Variants in WWOX observed in about 807,000 individuals in gnomAD.
The protein encoded by WWOX is WW domain containing oxidoreductase, also known as WW domain-containing oxidoreductase.
WWOX carries 69 observed loss-of-function variants against 46.2 expected under a neutral mutation model. The observed-to-expected ratio is 1.49, with a 90% confidence interval of 1.23 to 1.82. The LOEUF (loss-of-function observed/expected upper bound fraction) is 1.82, where lower values mean the gene tolerates loss of function less well. Ranked by LOEUF, WWOX falls within the 40% of genes most tolerant of loss-of-function variation. WWOX has a pLI of 0.00. For missense variants in WWOX, 919 were observed against 542.6 expected, an observed-to-expected ratio of 1.69 and a Z score of -6.89; for synonymous variants, 359 against 202.6, an observed-to-expected ratio of 1.77 and a Z score of -6.56.
intron 4 of WWOX, among the ~76,000 whole-genome samples, chr16:78,139,864 A>G (rs944640591): frequency 1.3e-5 from 2 of 152,210 alleles, no homozygotes; most frequent in Admixed American, 6.5e-5. Flanking sequence ...ACTAGAGGCA[A>G]CTAGTGCTCA....
chr16:79,110,112 A>G (rs1288668694), intron 8 of WWOX, among the ~76,000 whole-genome samples: 1 of 151,806 alleles, frequency 6.6e-6, no homozygotes, highest in Admixed American at 6.6e-5. Context: ...TGCACCCAGG[A>G]CCCCCATTTA....
At chr16:78,769,819 C>T (rs2050020386) in intron 8 of WWOX, among the ~76,000 whole-genome samples, 1 of 149,388 alleles carries the variant, frequency 6.7e-6, no homozygotes, top group South Asian at 2.1e-4. Flanking sequence ...TCAGTGTGGA[C>T]AACATAGGGA....
chr16:78,808,848 G>C (rs746853800), intron 8 of WWOX, among the ~76,000 whole-genome samples: 56 of 152,124 alleles, frequency 3.7e-4, no homozygotes, highest in Non-Finnish European at 6.6e-4. Context: ...CTCTACGGCT[G>C]CCCCTCATTT....
At chr16:78,576,894 TC>T (rs1302637731) in intron 8 of WWOX, among the ~76,000 whole-genome samples, 1 of 152,238 alleles carries the variant, frequency 6.6e-6, no homozygotes, top group Non-Finnish European at 1.5e-5. Context: ...GGCTAACATT[TC>T]TTTGCCATCC....
chr16:78,153,003 A>G (rs949762402), intron 4 of WWOX, among the ~76,000 whole-genome samples: 2 of 152,216 alleles, frequency 1.3e-5, no homozygotes, highest in African/African-American at 4.8e-5. Context: ...CATACTTTTA[A>G]AAAGCAGGGC....
chr16:78,365,720 A>G (rs1050755054), intron 5 of WWOX, among the ~76,000 whole-genome samples: 1 of 152,138 alleles, frequency 6.6e-6, no homozygotes, highest in African/African-American at 2.4e-5. Context: ...ACTTTTCTGT[A>G]AGCAATCTCC....
chr16:78,545,790 C>T (rs1007167584), intron 8 of WWOX, among the ~76,000 whole-genome samples: 1 of 152,170 alleles, frequency 6.6e-6, no homozygotes, highest in Non-Finnish European at 1.5e-5. Context: ...GGCCTCTCTC[C>T]TTGGCTTGCA....
chr16:78,214,177 C>G (rs2036646028), intron 5 of WWOX, among the ~76,000 whole-genome samples: 1 of 152,128 alleles, frequency 6.6e-6, no homozygotes, highest in African/African-American at 2.4e-5. Flanking sequence ...GTCTCAGGAT[C>G]CCTATCTCCC....
chr16:78,869,843 A>C (rs1237166407), intron 8 of WWOX, among the ~76,000 whole-genome samples: 1 of 152,196 alleles, frequency 6.6e-6, no homozygotes, highest in Non-Finnish European at 1.5e-5. Flanking sequence ...TTGTGTGTGT[A>C]TGTTTATCTC....
At chr16:78,732,988 T>C (rs1041642692) in intron 8 of WWOX, among the ~76,000 whole-genome samples, 8 of 152,168 alleles carry the variant, frequency 5.3e-5, no homozygotes, top group South Asian at 2.1e-4. Context: ...TCTCGTCTTT[T>C]CTTTTCTAGT....
At chr16:78,732,674 A>G (rs2048996317) in intron 8 of WWOX, among the ~76,000 whole-genome samples, 1 of 152,192 alleles carries the variant, frequency 6.6e-6, no homozygotes, top group Non-Finnish European at 1.5e-5. Context: ...CCACCTAGAT[A>G]GGTGCAGGCA....
At chr16:78,881,067 C>T (rs752658538) in intron 8 of WWOX, among the ~76,000 whole-genome samples, 1 of 148,512 alleles carries the variant, frequency 6.7e-6, no homozygotes. Flanking sequence ...TCACGGCTCA[C>T]TGCAACCTTT....
intron 8 of WWOX, among the ~76,000 whole-genome samples, chr16:78,955,914 C>T (rs572247420): frequency 6.6e-6 from 1 of 151,880 alleles, no homozygotes; most frequent in Non-Finnish European, 1.5e-5. Flanking sequence ...TCCCAAAGTG[C>T]TGAGATTACA....
At chr16:78,785,418 G>T (rs1452781446) in intron 8 of WWOX, among the ~76,000 whole-genome samples, 1 of 152,152 alleles carries the variant, frequency 6.6e-6, no homozygotes, top group African/African-American at 2.4e-5. Flanking sequence ...AACACACATC[G>T]GCAGCCAGTG....
intron 8 of WWOX, among the ~76,000 whole-genome samples, chr16:78,803,517 G>C (rs78359739): frequency 0.039 from 5,967 of 152,238 alleles, 405 homozygotes; most frequent in African/African-American, 0.14. Context: ...TGCGATCACA[G>C]CTTTCTGCAG....
At position 78,954,056 on chromosome 16, in the gene WWOX, G is replaced by T. The variant is rs1158157030; in HGVS notation, c.1057-257552G>T. Among the ~76,000 whole-genome samples, 4 of 152,150 alleles carry T rather than the reference G, an allele frequency of 2.6e-5. No individual in the cohort carries two copies. In the East Asian group the frequency reaches 7.7e-4, roughly 29 times the overall value. On this transcript the variant is annotated intron_variant, in intron 8 of 8. Transcript: ENST00000566780. The stretch of plus-strand genomic sequence containing the variant: ...CTCTTCCATAGCAACACATGTCAAG[G>T]CAAGGACCATATCTTATTCAGTTCC...
At chr16:78,650,350 C>T (rs1004125954) in intron 8 of WWOX, among the ~76,000 whole-genome samples, 2 of 152,182 alleles carry the variant, frequency 1.3e-5, no homozygotes, top group Non-Finnish European at 2.9e-5. Flanking sequence ...TAATTTCTCT[C>T]TTAAATTCCA....
intron 8 of WWOX, chr16:78,825,705 G>A (rs1156304273): frequency 3.6e-6 from 2 of 552,678 alleles, no homozygotes; most frequent in Admixed American, 2.2e-5. Context: ...GAGACTCTGA[G>A]GACAGAGGGT....
intron 5 of WWOX, among the ~76,000 whole-genome samples, chr16:78,378,656 T>C (rs547610400): frequency 6.6e-6 from 1 of 152,278 alleles, no homozygotes; most frequent in Admixed American, 6.5e-5. Flanking sequence ...CAGCTCCTAT[T>C]TAAGGTTTTA....
Sources: gnomAD v4.1 joint callset for allele counts (sites outside exome capture counted in the v4.1 genomes callset) on GRCh38, gnomAD v4.1.1 for gene constraint, MANE v1.5 for transcripts, NCBI Gene and HGNC (gene_info 2026-07-23, HGNC 2026-07-21) for gene names.